FADS1: variants seen among roughly 807,000 people sequenced by gnomAD.
FADS1 encodes fatty acid desaturase 1.
In FADS1, 17 loss-of-function variants were observed where a neutral mutation model predicts 61.6. The observed-to-expected ratio is 0.28, with a 90% CI of 0.19 to 0.41. The LOEUF (loss-of-function observed/expected upper bound fraction) is 0.41, where lower values mean the gene tolerates loss of function less well. Among genes scored for constraint, FADS1 ranks in the 10% least tolerant of loss-of-function variants. The pLI, the probability that FADS1 is intolerant of heterozygous loss-of-function variation, is 1.00. For synonymous variants in FADS1, 238 were observed against 258.7 expected (o/e 0.92, Z 0.77); for missense variants, 387 against 650.9 (o/e 0.59, Z 4.41).
At position 61,816,756 on chromosome 11, in the gene FADS1, C is replaced by T. The variant is rs1231650564; in HGVS notation, c.174G>A (p.Met58Ile). 1.3e-6 allele frequency: 2 copies of T among 1,541,988 alleles called. No homozygotes were observed. Among genetic ancestry groups the T allele is most frequent in the African/African-American group, 1.4e-5 (1 of 72,540 alleles). ...GPARGVARPA[M>I]APDPVAAETA... is the part of the protein sequence containing the mutation. ...TCTCGGCGGCCACCGGGTCGGGGGC[C>T]ATAGCTGGCCTGGCGACGCCGCGCG... is the stretch of plus-strand genomic sequence containing the variant. The change falls in exon 1 of 12, where the codon ATG (methionine) becomes ATA (isoleucine). Residue 58 changes from methionine to isoleucine, a missense_variant. Physicochemically the swap from Met to Ile is conservative, Grantham distance 10. Coordinates refer to ENST00000350997, the MANE Select transcript of FADS1 (RefSeq NM_013402.7). This position sits in a 1 kb window ranked among gnomAD's most constrained non-coding sequence, Gnocchi z 7.0.
Position 61,816,402 on chromosome 11 carries a change from A to G in FADS1, c.375+153T>C. The G allele has an allele frequency of 6.3e-7, 1 of 1,598,568 alleles. No homozygotes were observed. Among genetic ancestry groups the G allele is most frequent in the Non-Finnish European group, 8.5e-7 (1 of 1,179,804 alleles). ...TCCCGCCTTTTCATCCCGCATCCGC[A>G]GGACACCCAATCACCGGGCAACAGG... On this transcript the variant is annotated intron_variant, in intron 1 of 11. Transcript: ENST00000350997. The surrounding 1 kb of genome is among the most constrained non-coding windows in gnomAD (Gnocchi z 7.0).
intron 4 of FADS1, 40 bp downstream of exon 4, chr11:61,810,934 T>A: frequency 1.2e-6 from 2 of 1,614,146 alleles, no homozygotes; most frequent in Non-Finnish European, 1.7e-6. Context: ...CAGCCCTTCA[T>A]TGCCTGGAGT....
chr11:61,803,037 C>T lies in FADS1; in HGVS notation c.1323G>A (p.Glu441=). 6.2e-7 allele frequency: 1 copy of T among 1,614,178 alleles called. No individual in the cohort carries two copies. The highest frequency in any genetic ancestry group is 8.5e-7 in the Non-Finnish European group (1 of 1,180,018). Residue 441 remains glutamate, a synonymous_variant, in exon 10 of 12, where the codon GAG becomes GAA. Transcript: ENST00000350997. This position sits in a 1 kb window ranked among gnomAD's most constrained non-coding sequence, Gnocchi z 4.3. The part of the protein sequence containing the change: ...WFSGHLNFQI[E]HHLFPTMPRH... ...TCCCCAGGCTCCCTACTCACTGGTG[C>T]TCAATCTGGAAGTTGAGGTGTCCAC...
rs2066969833 is a variant in FADS1 at position 61,815,242 on chromosome 11, C to T, written c.375+1313G>A. 6.0e-6 allele frequency: 1 copy of T among 167,294 alleles called. No individual in the cohort carries two copies. The allele number at this position is 167,294 out of a possible 1,614,324, so 10.4% of individuals were successfully genotyped here. The stretch of plus-strand genomic sequence containing the variant: ...GCCGTCCCCGCCGCGGCATTCCCGG[C>T]CCCAAATCACACTGCGGGAAGCTCC... On this transcript the variant is annotated intron_variant, in intron 1 of 11. Coordinates refer to ENST00000350997, the MANE Select transcript of FADS1 (RefSeq NM_013402.7). This position sits in a 1 kb window ranked among gnomAD's most constrained non-coding sequence, Gnocchi z 6.4.
intron 6 of FADS1, 197 bp downstream of exon 6, chr11:61,806,467 A>G (rs1002496656): frequency 1.7e-6 from 1 of 594,694 alleles, no homozygotes; most frequent in Admixed American, 2.9e-5. Context: ...GCCTTCAACC[A>G]ATCATCAGCC....
intron 5 of FADS1, among the ~76,000 whole-genome samples, chr11:61,807,479 G>T (rs1374491724): frequency 6.6e-6 from 1 of 152,160 alleles, no homozygotes; most frequent in African/African-American, 2.4e-5. Context: ...AAATCTTTTG[G>T]TCTCTTGACT....
At position 61,803,493 on chromosome 11, in the gene FADS1, A is replaced by C. The variant is rs1330420341; in HGVS notation, c.1152-34T>G. 5 of 1,560,116 alleles carry C rather than the reference A, an allele frequency of 3.2e-6. No individual in the cohort carries two copies. Among genetic ancestry groups the C allele is most frequent in the Non-Finnish European group, 4.4e-6 (5 of 1,130,868 alleles). ...TGTATTACACAGACAAAAACAGTAC[A>C]CACAGAGCCCAGAATTCTGATTCCC... On this transcript the variant is annotated intron_variant, in intron 8 of 11. Coordinates refer to ENST00000350997, the MANE Select transcript of FADS1 (RefSeq NM_013402.7). The surrounding 1 kb of genome is among the most constrained non-coding windows in gnomAD (Gnocchi z 4.3).
chr11:61,808,753 A>C (rs975982071), intron 5 of FADS1, among the ~76,000 whole-genome samples: 1 of 152,212 alleles, frequency 6.6e-6, no homozygotes, highest in African/African-American at 2.4e-5. Context: ...GATTCTCACC[A>C]CCACATCCAG....
In FADS1 at chr11:61,813,821, C is replaced by T. The variant is rs777635360; in HGVS notation, c.376-468G>A. The stretch of plus-strand genomic sequence containing the variant: ...TCTACTAAAAATACAAAAAATTAGC[C>T]GGGCGAGGTAGCGGGCGCCTGTAGT... On this transcript the variant is annotated intron_variant, in intron 1 of 11. Transcript: ENST00000350997. Among the ~76,000 whole-genome samples the T allele has an allele frequency of 4.4e-4, 67 of 151,796 alleles. 1 individual carries two copies. The highest frequency in any genetic ancestry group is 4.3e-3 in the Admixed American group (66 of 15,222).
chr11:61,814,447 G>C (rs943785022), intron 1 of FADS1: 1 of 152,388 alleles, frequency 6.6e-6, no homozygotes, highest in African/African-American at 2.4e-5. Context: ...AGGAGAGATG[G>C]GTGGGGCTGT....
chr11:61,806,546 G>A lies in FADS1; in HGVS notation c.976+118C>T, dbSNP rs923193390. The A allele has an allele frequency of 3.4e-6, 3 of 887,932 alleles. No individual in the cohort carries two copies. The Admixed American group carries it at 5.4e-5, about 16-fold the overall frequency. The allele number at this position is 887,932 out of a possible 1,614,324, so 55.0% of individuals were successfully genotyped here. Reference sequence around the variant, plus strand: ...AGGGAGTAACTGGGGGTGGGAGTGGGGTACTTCCTCTAGCCCCTTTCCTTA... The same window carrying A: ...AGGGAGTAACTGGGGGTGGGAGTGGAGTACTTCCTCTAGCCCCTTTCCTTA... On this transcript the variant is annotated intron_variant, in intron 6 of 11. Transcript: ENST00000350997.
At position 61,803,478 on chromosome 11, in the gene FADS1, A is replaced by G. The variant is rs779910128; in HGVS notation, c.1152-19T>C. ...CAGGAACCTGTTAGATGTATTACAC[A>G]GACAAAAACAGTACACACAGAGCCC... On this transcript the variant is annotated intron_variant, in intron 8 of 11. Coordinates refer to ENST00000350997, the MANE Select transcript of FADS1 (RefSeq NM_013402.7). The surrounding 1 kb of genome is among the most constrained non-coding windows in gnomAD (Gnocchi z 4.3). 3 of 1,587,856 alleles carry G rather than the reference A, an allele frequency of 1.9e-6. No individual in the cohort carries two copies. The highest frequency in any genetic ancestry group is 2.6e-6 in the Non-Finnish European group (3 of 1,156,092).
chr11:61,805,201 T>G, intron 6 of FADS1: 1 of 202,658 alleles, frequency 4.9e-6, no homozygotes, highest in Non-Finnish European at 9.8e-6. Flanking sequence ...TCATCTGCCC[T>G]TTGTTCCTGG....
At chr11:61,806,754 C>A in intron 5 of FADS1, 30 bp from the exon 6 acceptor site, 1 of 1,603,978 alleles carries the variant, frequency 6.2e-7, no homozygotes, top group South Asian at 1.1e-5. Flanking sequence ...CATGAGCATT[C>A]GGAGACCAGT....
chr11:61,807,998 C>T (rs751107969), intron 5 of FADS1, among the ~76,000 whole-genome samples: 3 of 152,220 alleles, frequency 2.0e-5, no homozygotes, highest in Non-Finnish European at 2.9e-5. Flanking sequence ...AGACTTCCCA[C>T]CCTCATGGAG....
chr11:61,800,239 G>C lies in FADS1; in HGVS notation c.*2172C>G, dbSNP rs946407174. ...ACAGGGTCTTGTTCTATCACCCCAG[G>C]CTGGAGTGCAGTGGTGTGATCTCAG... On this transcript the variant is annotated 3_prime_UTR_variant, in exon 12 of 12. Coordinates refer to ENST00000350997, the MANE Select transcript of FADS1 (RefSeq NM_013402.7). 4 of 151,910 alleles carry C rather than the reference G, an allele frequency of 2.6e-5. No homozygotes were observed. Among genetic ancestry groups the C allele is most frequent in the Non-Finnish European group, 4.4e-5 (3 of 68,050 alleles). The allele number at this position is 151,910 out of a possible 1,614,324, so 9.4% of individuals were successfully genotyped here. A position where few individuals can be genotyped will look rare whatever the true frequency, so the allele number is the denominator to read the frequency against.
In FADS1 at chr11:61,815,479, C is replaced by G. The variant is rs2066972697; in HGVS notation, c.375+1076G>C. The G allele has an allele frequency of 6.6e-6, 1 of 152,372 alleles. No homozygotes were observed. Among genetic ancestry groups the G allele is most frequent in the South Asian group, 2.1e-4 (1 of 4,836 alleles). The allele number at this position is 152,372 out of a possible 1,614,324, so 9.4% of individuals were successfully genotyped here. ...GGAACCTGGTGACCCGCGGCACACT[C>G]TGGGACGCCAGGGTAGTGGATAGGG... is the stretch of plus-strand genomic sequence containing the variant. On this transcript the variant is annotated intron_variant, in intron 1 of 11. Coordinates refer to ENST00000350997, the MANE Select transcript of FADS1 (RefSeq NM_013402.7). This position sits in a 1 kb window ranked among gnomAD's most constrained non-coding sequence, Gnocchi z 6.4.
Position 61,816,989 on chromosome 11 carries a change from C to T in FADS1, c.-60G>A. On this transcript the variant is annotated 5_prime_UTR_variant, in exon 1 of 12. Transcript: ENST00000350997. This position sits in a 1 kb window ranked among gnomAD's most constrained non-coding sequence, Gnocchi z 7.0. Reference sequence around the variant, plus strand: ...GTCCCCCGGTGGGTCTTGGGCAACTCACAGCTGGGCTGCCAACACGCGCCC... The same window carrying T: ...GTCCCCCGGTGGGTCTTGGGCAACTTACAGCTGGGCTGCCAACACGCGCCC... 6 of 1,338,678 alleles carry T rather than the reference C, an allele frequency of 4.5e-6. No individual in the cohort carries two copies. The highest frequency in any genetic ancestry group is 5.7e-6 in the Non-Finnish European group (6 of 1,050,324). 82.9% of individuals were successfully genotyped at this position (1,338,678 alleles called of 1,614,324 possible).
At chr11:61,810,681 A>G in intron 5 of FADS1, 70 bp downstream of exon 5, 1 of 1,577,068 alleles carries the variant, frequency 6.3e-7, no homozygotes. Flanking sequence ...CATCGTGGGC[A>G]TCTTCCCCAA....
Sources: allele counts gnomAD v4.1 joint callset (sites outside exome capture counted in the v4.1 genomes callset), GRCh38; gene constraint gnomAD v4.1.1; non-coding constraint Gnocchi (gnomAD v3.1); transcripts MANE v1.5; gene names NCBI Gene and HGNC (gene_info 2026-07-23, HGNC 2026-07-21).